The following PALM2AKAP2 variants were observed in gnomAD, a reference collection of about 807,000 sequenced individuals.
PALM2AKAP2 encodes the protein PALM2 and AKAP2 fusion.
PALM2AKAP2 carries 37 observed loss-of-function variants against 71.5 expected under a neutral mutation model. The ratio of observed to expected loss-of-function variants is 0.52; its 90% CI spans 0.40 to 0.68. The LOEUF (loss-of-function observed/expected upper bound fraction) is 0.68. Among genes scored for constraint, PALM2AKAP2 ranks in the 30% least tolerant of loss-of-function variants. The pLI is 0.00. For synonymous variants in PALM2AKAP2, 468 were observed against 478.8 expected, an observed-to-expected ratio of 0.98 and a Z score of 0.29; for missense variants, 1,224 against 1,191.8, an observed-to-expected ratio of 1.03 and a Z score of -0.40.
At chr9:109,907,803 C>T (rs1431919937) in intron 3 of PALM2AKAP2, among the ~76,000 whole-genome samples, 1 of 152,198 alleles carries the variant, frequency 6.6e-6, no homozygotes, top group African/African-American at 2.4e-5. Flanking sequence ...TAGCAAAAAA[C>T]AAAACAAAAC....
chr9:110,001,418 CT>C (rs1239204167), intron 6 of PALM2AKAP2, among the ~76,000 whole-genome samples: 5 of 152,108 alleles, frequency 3.3e-5, no homozygotes, highest in Non-Finnish European at 7.3e-5. Flanking sequence ...TTACTGTAAC[CT>C]TGTAGTATAG....
At chr9:109,980,347 T>G (rs1412085116) in intron 6 of PALM2AKAP2, among the ~76,000 whole-genome samples, 1 of 152,144 alleles carries the variant, frequency 6.6e-6, no homozygotes, top group Non-Finnish European at 1.5e-5. Context: ...AAATGCATCC[T>G]AAACTGCTCA....
At chr9:110,073,096 GA>G (rs1834240848) in intron 1 of PALM2AKAP2, among the ~76,000 whole-genome samples, 1 of 152,160 alleles carries the variant, frequency 6.6e-6, no homozygotes, top group African/African-American at 2.4e-5. Context: ...TATAAGAAAA[GA>G]AAATTACAAT....
chr9:110,103,478 A>C (rs956112239), intron 1 of PALM2AKAP2, among the ~76,000 whole-genome samples: 9 of 152,216 alleles, frequency 5.9e-5, no homozygotes, highest in Admixed American at 4.6e-4. Flanking sequence ...GTCACCTCTC[A>C]CTTCAAGTTT....
intron 1 of PALM2AKAP2, among the ~76,000 whole-genome samples, chr9:110,067,160 G>A (rs963364224): frequency 2.0e-5 from 3 of 152,066 alleles, no homozygotes; most frequent in Non-Finnish European, 4.4e-5. Context: ...GCAGATTACC[G>A]AGAGTAGGAT....
intron 1 of PALM2AKAP2, among the ~76,000 whole-genome samples, chr9:110,133,104 G>A (rs1490737152): frequency 2.0e-5 from 3 of 151,968 alleles, no homozygotes; most frequent in African/African-American, 7.3e-5. Flanking sequence ...GTTCAAAAAG[G>A]GTGCCTTGGA....
intron 1 of PALM2AKAP2, among the ~76,000 whole-genome samples, chr9:109,670,296 T>A (rs148812817): frequency 3.9e-3 from 590 of 152,222 alleles, no homozygotes; most frequent in Middle Eastern, 6.8e-3. Flanking sequence ...TAGGCCCCAG[T>A]GCGTGTTGTT....
intron 3 of PALM2AKAP2, among the ~76,000 whole-genome samples, chr9:109,907,697 C>T: frequency 6.6e-6 from 1 of 152,216 alleles, no homozygotes; most frequent in Admixed American, 6.5e-5. Context: ...GGAGCAGGAA[C>T]TCTTACAATA....
At chr9:109,747,351 G>C (rs1828818553) in intron 1 of PALM2AKAP2, among the ~76,000 whole-genome samples, 1 of 152,090 alleles carries the variant, frequency 6.6e-6, no homozygotes, top group Admixed American at 6.5e-5. Context: ...TTAAACAGAT[G>C]TTTTACTCTA....
At chr9:110,095,449 C>T (rs1243194723) in intron 1 of PALM2AKAP2, among the ~76,000 whole-genome samples, 1 of 152,104 alleles carries the variant, frequency 6.6e-6, no homozygotes, top group African/African-American at 2.4e-5. Context: ...ACTTGAGCTG[C>T]TTGTGTTTTG....
At chr9:109,641,099 G>A (rs1481200188) in intron 1 of PALM2AKAP2, among the ~76,000 whole-genome samples, 1 of 152,254 alleles carries the variant, frequency 6.6e-6, no homozygotes, top group Admixed American at 6.5e-5. Context: ...GGCCTGGGGG[G>A]CGAGTGAGGG....
chr9:109,990,952 A>G (rs1832469863), intron 6 of PALM2AKAP2, among the ~76,000 whole-genome samples: 1 of 152,168 alleles, frequency 6.6e-6, no homozygotes, highest in Admixed American at 6.5e-5. Context: ...CAACTAGTGT[A>G]AGAGGGCCAT....
intron 1 of PALM2AKAP2, among the ~76,000 whole-genome samples, chr9:109,764,412 T>C (rs955229637): frequency 2.6e-5 from 4 of 152,136 alleles, no homozygotes; most frequent in African/African-American, 9.7e-5. Flanking sequence ...TTGTTCTCTC[T>C]GCCTATATAC....
intron 1 of PALM2AKAP2, among the ~76,000 whole-genome samples, chr9:109,762,585 G>T (rs1829072512): frequency 6.6e-6 from 1 of 152,180 alleles, no homozygotes; most frequent in South Asian, 2.1e-4. Flanking sequence ...TGTCCACATG[G>T]AAGTGGCATT....
upstream of PALM2AKAP2, among the ~76,000 whole-genome samples, chr9:110,046,139 T>TA (rs1291956728): frequency 6.6e-6 from 1 of 152,186 alleles, no homozygotes; most frequent in East Asian, 1.9e-4. Flanking sequence ...AAATGTTAAT[T>TA]AAAAACAGTG....
At chr9:109,968,565 G>T (rs981113775) in intron 6 of PALM2AKAP2, among the ~76,000 whole-genome samples, 3 of 152,104 alleles carry the variant, frequency 2.0e-5, no homozygotes, top group African/African-American at 7.2e-5. Flanking sequence ...GGGTTTCATT[G>T]CACCCTACAA....
At chr9:109,938,351 C>T (rs542756562) in intron 6 of PALM2AKAP2, among the ~76,000 whole-genome samples, 8 of 152,226 alleles carry the variant, frequency 5.3e-5, no homozygotes, top group African/African-American at 1.7e-4. Context: ...TCAAAGTGTT[C>T]GCCTTTGTTC....
chr9:109,943,094 C>A, intron 6 of PALM2AKAP2: 3 of 1,614,130 alleles, frequency 1.9e-6, no homozygotes, highest in Non-Finnish European at 2.5e-6. Flanking sequence ...GCTGCAGGGC[C>A]GGAGGCAAAC....
At chr9:109,698,284 T>C (rs1828003075) in intron 1 of PALM2AKAP2, among the ~76,000 whole-genome samples, 1 of 150,280 alleles carries the variant, frequency 6.7e-6, no homozygotes, top group African/African-American at 2.5e-5. Context: ...TTTTTTTTTT[T>C]TTTTTTTTTT....
Sources: allele counts gnomAD v4.1 joint callset (sites outside exome capture counted in the v4.1 genomes callset), GRCh38; gene constraint gnomAD v4.1.1; transcripts MANE v1.5; gene names NCBI Gene and HGNC (gene_info 2026-07-23, HGNC 2026-07-21).